The following LNX1 variants were observed in gnomAD, a reference collection of about 807,000 sequenced individuals.
The protein encoded by LNX1 is E3 ubiquitin-protein ligase LNX.
Under a neutral mutation model 68.4 loss-of-function variants are expected in LNX1, and 54 were observed. The ratio of observed to expected loss-of-function variants is 0.79; its 90% CI spans 0.63 to 0.99. The LOEUF is 0.99. Ranked by LOEUF, LNX1 falls within the 50% of genes least tolerant of loss-of-function variation. The probability of loss-of-function intolerance (pLI) is 0.00; values close to 1 mark genes in which losing one functional copy is unlikely to be tolerated. For missense variants in LNX1, 906 were observed against 926.4 expected, an observed-to-expected ratio of 0.98 and a Z score of 0.29; for synonymous variants, 336 against 350.0, an observed-to-expected ratio of 0.96 and a Z score of 0.45.
At chr4:53,526,926 C>T (rs191461109) in intron 2 of LNX1, among the ~76,000 whole-genome samples, 1 of 151,802 alleles carries the variant, frequency 6.6e-6, no homozygotes, top group Non-Finnish European at 1.5e-5. Flanking sequence ...GCTAATTCTT[C>T]TTTGTAAGAG....
At chr4:53,610,477 G>A (rs1359950750) in intron 2 of LNX1, among the ~76,000 whole-genome samples, 1 of 152,032 alleles carries the variant, frequency 6.6e-6, no homozygotes, top group Non-Finnish European at 1.5e-5. Flanking sequence ...GGAGGCCGAG[G>A]TGGGCGGATC....
At position 53,646,940 on chromosome 4, in the gene LNX1, G is replaced by C. The variant is rs77894545; in HGVS notation, c.-215+5228C>G. ...TGCCCGGGAGTTGAAATGAACCTGTGTGTTTAGAAGTGGAGGAAGCTGTAA... is the reference window on the plus strand; with the variant it reads ...TGCCCGGGAGTTGAAATGAACCTGTCTGTTTAGAAGTGGAGGAAGCTGTAA... On this transcript the variant is annotated intron_variant, in intron 1 of 2. Coordinates refer to the LNX1 transcript ENST00000507168. 7.1e-3 allele frequency among the ~76,000 whole-genome samples: 1,085 copies of C among 152,312 alleles called. 12 individuals are homozygous for C. The highest frequency in any genetic ancestry group is 0.024 in the African/African-American group (1,018 of 41,570).
At chr4:53,584,784 C>T (rs920823354) in intron 1 of LNX1, among the ~76,000 whole-genome samples, 1 of 152,212 alleles carries the variant, frequency 6.6e-6, no homozygotes, top group African/African-American at 2.4e-5. Flanking sequence ...CAGCACCTAC[C>T]AGCTTCTATC....
intron 7 of LNX1, among the ~76,000 whole-genome samples, chr4:53,480,504 C>G (rs1020337376): frequency 3.3e-4 from 51 of 152,254 alleles, no homozygotes; most frequent in African/African-American, 1.2e-3. Context: ...AGCTAATAAA[C>G]TAGTTTTTCA....
intron 7 of LNX1, 33 bp downstream of exon 7, chr4:53,481,687 G>C: frequency 1.2e-6 from 2 of 1,600,552 alleles, no homozygotes; most frequent in Non-Finnish European, 1.7e-6. Flanking sequence ...ATAGCCCCTT[G>C]CAGGAGCAGG....
At chr4:53,524,816 A>G (rs189652021) in intron 2 of LNX1, among the ~76,000 whole-genome samples, 137 of 152,336 alleles carry the variant, frequency 9.0e-4, no homozygotes, top group African/African-American at 3.2e-3. Context: ...TCCAAGAGGC[A>G]TGCTAGCAGG....
intron 7 of LNX1, 113 bp downstream of exon 7, chr4:53,481,607 A>T: frequency 8.2e-7 from 1 of 1,223,734 alleles, no homozygotes; most frequent in Non-Finnish European, 1.1e-6. Context: ...TACAAGTCAA[A>T]GTGTTTCTTT....
rs34868847 is a variant in LNX1 at position 53,623,206 on chromosome 4, C to CTTT, written c.-215+28959_-215+28961dup. Among the ~76,000 whole-genome samples the CTTT allele has an allele frequency of 7.0e-4, 100 of 142,346 alleles. 1 individual carries two copies. Among genetic ancestry groups the CTTT allele is most frequent in the South Asian group, 2.9e-3 (13 of 4,408 alleles). The allele number at this position is 142,346 out of a possible 152,430, so 93.4% of individuals were successfully genotyped here. On this transcript the variant is annotated intron_variant, in intron 1 of 2. Coordinates refer to the LNX1 transcript ENST00000507168. ...GAGAGCGTTTGCGTTGAGAGCAATT[C>CTTT]TTTTTTTTTTTTTTTAGGATGGAGT...
chr4:53,477,297 C>A (rs1392577452), intron 8 of LNX1, among the ~76,000 whole-genome samples: 1 of 152,140 alleles, frequency 6.6e-6, no homozygotes, highest in Non-Finnish European at 1.5e-5. Context: ...AGAAAACCTA[C>A]TTTTTCACTC....
At chr4:53,530,185 T>C (rs1484907116) in intron 2 of LNX1, among the ~76,000 whole-genome samples, 1 of 152,260 alleles carries the variant, frequency 6.6e-6, no homozygotes, top group Non-Finnish European at 1.5e-5. Context: ...TTGTGCTCTC[T>C]ACTTTCCCAA....
upstream of LNX1, chr4:53,593,833 T>C (rs770643239): frequency 5.3e-5 from 8 of 152,214 alleles, no homozygotes; most frequent in Non-Finnish European, 1.0e-4. Flanking sequence ...CATTGCTATT[T>C]GCATTCTACA....
In LNX1 at chr4:53,650,911, G is replaced by A. The variant is rs1203564008; in HGVS notation, c.-215+1257C>T. Among the ~76,000 whole-genome samples the A allele has an allele frequency of 5.9e-5, 9 of 152,254 alleles. No homozygotes were observed. In the East Asian group the frequency reaches 1.7e-3, roughly 29 times the overall value. On this transcript the variant is annotated intron_variant, in intron 1 of 2. Transcript: ENST00000507168. The stretch of plus-strand genomic sequence containing the variant: ...AGGCACATGGTCATCACAATAGTTA[G>A]TATTAATATTTATTGTGCAGTTGTT...
chr4:53,523,877 G>C (rs1431284125), intron 2 of LNX1, among the ~76,000 whole-genome samples: 2 of 152,212 alleles, frequency 1.3e-5, no homozygotes, highest in East Asian at 1.9e-4. Context: ...TCCCCTGGCA[G>C]TGATAGAGGA....
At chr4:53,508,570 T>C (rs573490626) in intron 2 of LNX1, among the ~76,000 whole-genome samples, 22 of 152,336 alleles carry the variant, frequency 1.4e-4, no homozygotes, top group African/African-American at 4.8e-4. Context: ...TAATTCCTGC[T>C]TGCTGGTGTT....
chr4:53,516,906 C>T (rs1295047692), intron 2 of LNX1, among the ~76,000 whole-genome samples: 1 of 151,756 alleles, frequency 6.6e-6, no homozygotes, highest in Non-Finnish European at 1.5e-5. Flanking sequence ...ACAGAGGGCT[C>T]GCAGTCAGCT....
chr4:53,520,084 G>A (rs1727102566), intron 2 of LNX1, among the ~76,000 whole-genome samples: 1 of 152,198 alleles, frequency 6.6e-6, no homozygotes, highest in South Asian at 2.1e-4. Context: ...ACAGAAGCTA[G>A]TTTTGGAGGA....
chr4:53,644,933 T>C (rs996147971), intron 1 of LNX1, among the ~76,000 whole-genome samples: 1 of 152,066 alleles, frequency 6.6e-6, no homozygotes, highest in Non-Finnish European at 1.5e-5. Flanking sequence ...CGCTTCTCAG[T>C]TTTCAACAGA....
Position 53,573,786 on chromosome 4 carries a change from CCTT to C in LNX1, c.214_216del (p.Lys72del), listed in dbSNP as rs1413774713. The C allele has an allele frequency of 2.5e-6, 4 of 1,612,332 alleles. No individual in the cohort carries two copies. The highest frequency in any genetic ancestry group is 1.3e-5 in the African/African-American group (1 of 74,902). On this transcript the variant is annotated inframe_deletion, in exon 2 of 11. Coordinates refer to ENST00000263925, the MANE Select transcript of LNX1 (RefSeq NM_001126328.3). ...GGCTTGCGGTCCATGGGACAGAAGT[CCTT>C]CTCCACCAGGAAGTTGGTGAGGCAG...
chr4:53,466,517 C>A (rs1281661794), intron 9 of LNX1, among the ~76,000 whole-genome samples: 1 of 152,182 alleles, frequency 6.6e-6, no homozygotes, highest in East Asian at 1.9e-4. Context: ...GCACACCGAG[C>A]ACGAGCCAAA....
Sources: allele counts gnomAD v4.1 joint callset (sites outside exome capture counted in the v4.1 genomes callset), GRCh38; gene constraint gnomAD v4.1.1; transcripts MANE v1.5; gene names NCBI Gene and HGNC (gene_info 2026-07-23, HGNC 2026-07-21).